CWC27: variants seen among roughly 807,000 people sequenced by gnomAD.
CWC27 encodes the protein spliceosome-associated protein CWC27 homolog.
In CWC27, 47 loss-of-function variants were observed where a neutral mutation model predicts 63.6. That is an observed-to-expected ratio of 0.74 (90% confidence interval 0.58 to 0.94). The LOEUF (loss-of-function observed/expected upper bound fraction) is 0.94, where lower values mean the gene tolerates loss of function less well. CWC27 is among the 40% of genes least tolerant of loss of function. The probability of loss-of-function intolerance (pLI) is 0.00; values close to 1 mark genes in which losing one functional copy is unlikely to be tolerated. For missense variants in CWC27, 495 were observed against 554.3 expected (o/e 0.89, Z 1.07); for synonymous variants, 175 against 179.8 (o/e 0.97, Z 0.22).
intron 10 of CWC27, among the ~76,000 whole-genome samples, chr5:64,810,656 A>G (rs1216398794): frequency 6.6e-6 from 1 of 151,942 alleles, no homozygotes; most frequent in Non-Finnish European, 1.5e-5. Context: ...AATGCTATTT[A>G]CTTTTCTCAC....
intron 13 of CWC27, among the ~76,000 whole-genome samples, chr5:64,998,818 A>C (rs548100654): frequency 1.3e-5 from 2 of 151,138 alleles, no homozygotes; most frequent in South Asian, 4.2e-4. Context: ...AAGTATTTTA[A>C]AATTTTTTGT....
intron 10 of CWC27, among the ~76,000 whole-genome samples, chr5:64,839,836 GA>G (rs894097883): frequency 6.6e-6 from 1 of 152,082 alleles, no homozygotes; most frequent in Non-Finnish European, 1.5e-5. Context: ...AAAAGATGGG[GA>G]AAAGTTGGTT....
At chr5:64,915,954 G>T (rs1338586381) in intron 11 of CWC27, among the ~76,000 whole-genome samples, 1 of 152,120 alleles carries the variant, frequency 6.6e-6, no homozygotes, top group Non-Finnish European at 1.5e-5. Context: ...GTAACAGAAA[G>T]CCTGTGCTCT....
chr5:64,774,148 G>T (rs1351706245), intron 1 of CWC27, among the ~76,000 whole-genome samples: 2 of 152,046 alleles, frequency 1.3e-5, no homozygotes, highest in Non-Finnish European at 2.9e-5. Flanking sequence ...GCATTATTGG[G>T]GTTTTGTCAT....
intron 2 of CWC27, among the ~76,000 whole-genome samples, chr5:64,775,950 G>T (rs1278875888): frequency 6.6e-6 from 1 of 151,988 alleles, no homozygotes; most frequent in Admixed American, 6.6e-5. Flanking sequence ...AGAGAATCCA[G>T]TAGTATGGTA....
At chr5:64,908,188 T>A (rs987475177) in intron 11 of CWC27, among the ~76,000 whole-genome samples, 1 of 152,200 alleles carries the variant, frequency 6.6e-6, no homozygotes, top group Non-Finnish European at 1.5e-5. Context: ...CATGTAGTTG[T>A]GTGGTTTTGA....
In CWC27 at chr5:64,790,201, G is replaced by A. The variant is rs1014858387; in HGVS notation, c.669+1181G>A. On this transcript the variant is annotated intron_variant, in intron 7 of 13. Transcript: ENST00000381070. ...CAACATTCTAAACTCTAGGAGATAA[G>A]GCCAAATATTTCTCCTGGGCTCTTA... 3.3e-5 allele frequency among the ~76,000 whole-genome samples: 5 copies of A among 152,172 alleles called. No homozygotes were observed. The East Asian group carries it at 5.8e-4, about 18-fold the overall frequency.
At chr5:64,958,741 G>A (rs1252347408) in intron 11 of CWC27, among the ~76,000 whole-genome samples, 1 of 152,078 alleles carries the variant, frequency 6.6e-6, no homozygotes, top group Admixed American at 6.6e-5. Flanking sequence ...GAAAAACACA[G>A]AGGAAAACGT....
chr5:64,830,124 C>T (rs529065326), intron 10 of CWC27, among the ~76,000 whole-genome samples: 51 of 151,306 alleles, frequency 3.4e-4, no homozygotes, highest in Non-Finnish European at 6.0e-4. Context: ...GTGCTGCACC[C>T]GTTAACTCGT....
intron 11 of CWC27, among the ~76,000 whole-genome samples, chr5:64,896,305 C>T (rs1401327322): frequency 6.6e-6 from 1 of 152,012 alleles, no homozygotes; most frequent in African/African-American, 2.4e-5. Context: ...AAAGGATATA[C>T]TTATGGCAAA....
At chr5:64,803,598 AAG>A (rs1744558342) in intron 9 of CWC27, among the ~76,000 whole-genome samples, 1 of 152,172 alleles carries the variant, frequency 6.6e-6, no homozygotes, top group Admixed American at 6.5e-5. Context: ...CAAAGATCTG[AAG>A]GAGATGAAAG....
At chr5:64,880,853 C>CTTT (rs571051416) in intron 10 of CWC27, among the ~76,000 whole-genome samples, 41,215 of 134,228 alleles carry the variant, frequency 0.31, 6,398 homozygotes, top group East Asian at 0.5. Flanking sequence ...TTATAAAAGC[C>CTTT]ATTTTTTTTT....
chr5:64,923,622 G>A (rs762391852), intron 11 of CWC27, among the ~76,000 whole-genome samples: 4 of 143,070 alleles, frequency 2.8e-5, no homozygotes, highest in South Asian at 2.6e-4. Context: ...CTAGTCGGCC[G>A]TCTTTGTTCT....
chr5:65,004,336 C>G (rs542492507), intron 13 of CWC27, among the ~76,000 whole-genome samples: 12 of 135,436 alleles, frequency 8.9e-5, no homozygotes, highest in Admixed American at 1.5e-4. Flanking sequence ...TCCCAGAATT[C>G]TAGTATTTGG....
intron 2 of CWC27, among the ~76,000 whole-genome samples, chr5:64,779,669 CCAGT>C (rs1459077642): frequency 6.6e-6 from 1 of 152,072 alleles, no homozygotes; most frequent in African/African-American, 2.4e-5. Context: ...ATCCATTAAC[CCAGT>C]CATTCTCTAT....
At chr5:64,894,758 G>A (rs937796046) in intron 11 of CWC27, among the ~76,000 whole-genome samples, 4 of 152,182 alleles carry the variant, frequency 2.6e-5, no homozygotes, top group African/African-American at 9.7e-5. Flanking sequence ...TAAGTTAGTG[G>A]AGCACTAGGT....
intron 10 of CWC27, among the ~76,000 whole-genome samples, chr5:64,816,434 T>C (rs912959574): frequency 1.3e-5 from 2 of 152,176 alleles, no homozygotes; most frequent in African/African-American, 4.8e-5. Flanking sequence ...GACCAAATTT[T>C]GGCTAAAGAG....
At chr5:64,778,650 G>A (rs1020578663) in intron 2 of CWC27, among the ~76,000 whole-genome samples, 1 of 152,134 alleles carries the variant, frequency 6.6e-6, no homozygotes, top group Non-Finnish European at 1.5e-5. Context: ...AGATTTATGA[G>A]AAAATGGAGT....
chr5:64,969,028 G>C (rs763228625), intron 11 of CWC27, among the ~76,000 whole-genome samples: 79 of 152,064 alleles, frequency 5.2e-4, no homozygotes, highest in African/African-American at 1.1e-3. Flanking sequence ...GATTTGTAAG[G>C]CTTCTTTATA....
Sources: allele counts gnomAD v4.1 joint callset (sites outside exome capture counted in the v4.1 genomes callset), GRCh38; gene constraint gnomAD v4.1.1; transcripts MANE v1.5; gene names NCBI Gene and HGNC (gene_info 2026-07-23, HGNC 2026-07-21).